RELN: variants seen among roughly 807,000 people sequenced by gnomAD.
RELN encodes the protein reelin.
Under a neutral mutation model 427.6 loss-of-function variants are expected in RELN, and 108 were observed. The ratio of observed to expected loss-of-function variants is 0.25; its 90% CI spans 0.22 to 0.30. The LOEUF is 0.30. RELN is among the 10% of genes least tolerant of loss of function. The pLI is 1.00. For missense variants in RELN, 3,715 were observed against 4,302.8 expected (o/e 0.86, Z 3.82); for synonymous variants, 1,524 against 1,513.4 (o/e 1.01, Z -0.16).
chr7:103,810,142 T>C (rs1024412484), intron 3 of RELN, among the ~76,000 whole-genome samples: 1 of 152,134 alleles, frequency 6.6e-6, no homozygotes, highest in Non-Finnish European at 1.5e-5. Flanking sequence ...TGCCCTTCTG[T>C]AGTAATTTTT....
chr7:103,756,685 C>T (rs1010879151), intron 4 of RELN, among the ~76,000 whole-genome samples: 1 of 152,136 alleles, frequency 6.6e-6, no homozygotes, highest in Admixed American at 6.6e-5. Flanking sequence ...AGCTTCAACA[C>T]CAAGTCAGTA....
At chr7:103,531,715 TCTC>T (rs1829943821) in intron 46 of RELN, among the ~76,000 whole-genome samples, 1 of 152,138 alleles carries the variant, frequency 6.6e-6, no homozygotes, top group Admixed American at 6.6e-5. Flanking sequence ...ACTCTTATCC[TCTC>T]CTATTTGTTT....
intron 53 of RELN, among the ~76,000 whole-genome samples, chr7:103,498,874 G>T (rs184646339): frequency 1.3e-5 from 2 of 152,244 alleles, no homozygotes; most frequent in East Asian, 3.9e-4. Flanking sequence ...TGTTTATATA[G>T]TATATAAAAG....
rs1830455699 is a variant in RELN, at chr7:103,553,473, G to C, written c.6060C>G (p.Ile2020Met). 1 of 1,611,536 alleles carries C rather than the reference G, an allele frequency of 6.2e-7. No homozygotes were observed. Among genetic ancestry groups the C allele is most frequent in the Non-Finnish European group, 8.5e-7 (1 of 1,177,718 alleles). ...TRDLNVNENT[I>M]IQFEINVGCS... ...CAAAGTCAAGTACCTCAAATTGTAT[G>C]ATGGTGTTCTCATTCACATTTAGGT... is the stretch of plus-strand genomic sequence containing the variant. Residue 2020 changes from isoleucine (I) to methionine (M), a missense_variant, in exon 40 of 65, where the codon ATC becomes ATG. By Grantham distance (10) the Ile-to-Met change is conservative. Coordinates refer to ENST00000428762, the MANE Select transcript of RELN (RefSeq NM_005045.4).
chr7:103,589,435 A>G (rs1435715379), intron 28 of RELN, among the ~76,000 whole-genome samples, 161 bp downstream of exon 28: 1 of 152,236 alleles, frequency 6.6e-6, no homozygotes, highest in African/African-American at 2.4e-5. Flanking sequence ...TGTTTCTCAG[A>G]TAAATCCCCT....
chr7:103,553,881 G>T (rs772123661), intron 38 of RELN, 50 bp from the exon 39 acceptor site: 27 of 1,491,828 alleles, frequency 1.8e-5, no homozygotes, highest in South Asian at 2.3e-5. Flanking sequence ...AAAATCAAAT[G>T]AACACTTTTG....
intron 49 of RELN, among the ~76,000 whole-genome samples, chr7:103,518,122 G>T (rs944494476): frequency 1.3e-5 from 2 of 152,114 alleles, no homozygotes; most frequent in Non-Finnish European, 2.9e-5. Context: ...AGCCACTACA[G>T]TAGTCCTGGA....
At chr7:103,486,553 C>CAAA in intron 60 of RELN, 137 bp from the exon 61 acceptor site, 3 of 452,006 alleles carry the variant, frequency 6.6e-6, no homozygotes, top group South Asian at 2.3e-5. Context: ...AACAACTTTA[C>CAAA]AAAAAAAAAA....
At chr7:103,904,418 A>G (rs9987028) in intron 2 of RELN, among the ~76,000 whole-genome samples, 64,925 of 151,780 alleles carry the variant, frequency 0.43, 14,311 homozygotes, top group East Asian at 0.74. Context: ...CTAGATCCTT[A>G]GGGGATCGCC....
chr7:103,553,998 C>A (rs2117160527), intron 38 of RELN, among the ~76,000 whole-genome samples, 167 bp from the exon 39 acceptor site: 1 of 152,198 alleles, frequency 6.6e-6, no homozygotes, highest in Middle Eastern at 3.4e-3. Flanking sequence ...CCAGCCTGAG[C>A]AACATAGTAA....
At chr7:103,919,163 A>G (rs895194050) in intron 1 of RELN, among the ~76,000 whole-genome samples, 21 of 131,612 alleles carry the variant, frequency 1.6e-4, no homozygotes, top group South Asian at 1.0e-3. Context: ...TTTTAGAAAG[A>G]GGAGGAAATG....
intron 1 of RELN, among the ~76,000 whole-genome samples, chr7:103,941,705 A>C (rs1393698212): frequency 1.3e-5 from 2 of 152,128 alleles, no homozygotes; most frequent in Non-Finnish European, 2.9e-5. Flanking sequence ...CACATATATA[A>C]ACTCATAACA....
intron 31 of RELN, among the ~76,000 whole-genome samples, chr7:103,570,898 T>C (rs575353498): frequency 6.6e-6 from 1 of 152,318 alleles, no homozygotes; most frequent in Admixed American, 6.5e-5. Context: ...GAGGGACATA[T>C]GTCTTTTGGT....
At chr7:103,684,613 C>T (rs1254812787) in intron 10 of RELN, among the ~76,000 whole-genome samples, 3 of 152,056 alleles carry the variant, frequency 2.0e-5, no homozygotes, top group Admixed American at 1.3e-4. Context: ...GATTAGAAAG[C>T]GTGTTGAAAT....
At chr7:103,507,589 T>C (rs909811274) in intron 51 of RELN, among the ~76,000 whole-genome samples, 13 of 152,118 alleles carry the variant, frequency 8.5e-5, no homozygotes, top group African/African-American at 3.1e-4. Flanking sequence ...AGGAAAGATC[T>C]AAAACTGACA....
chr7:103,637,940 T>G (rs1426724385), intron 17 of RELN, among the ~76,000 whole-genome samples: 1 of 152,208 alleles, frequency 6.6e-6, no homozygotes, highest in Non-Finnish European at 1.5e-5. Flanking sequence ...TGGGAGAAAC[T>G]GGTGATCGTT....
At chr7:103,702,322 A>G (rs1834110896) in intron 8 of RELN, among the ~76,000 whole-genome samples, 1 of 152,236 alleles carries the variant, frequency 6.6e-6, no homozygotes, top group Non-Finnish European at 1.5e-5. Flanking sequence ...GGAAAGTTCA[A>G]ATTAGCCTCA....
chr7:103,776,846 T>C (rs1791755334), intron 3 of RELN, among the ~76,000 whole-genome samples: 1 of 152,214 alleles, frequency 6.6e-6, no homozygotes, highest in African/African-American at 2.4e-5. Context: ...ATAAAGACAC[T>C]GTAACAGTTG....
intron 2 of RELN, among the ~76,000 whole-genome samples, chr7:103,875,379 T>C (rs71558655): frequency 6.6e-6 from 1 of 151,572 alleles, no homozygotes; most frequent in East Asian, 2.0e-4. Context: ...AAACTAAAGA[T>C]CTTCTGCACA....
Sources: gnomAD v4.1 joint callset for allele counts (sites outside exome capture counted in the v4.1 genomes callset) on GRCh38, gnomAD v4.1.1 for gene constraint, MANE v1.5 for transcripts, NCBI Gene and HGNC (gene_info 2026-07-23, HGNC 2026-07-21) for gene names.